NRXN1: variants seen among roughly 807,000 people sequenced by gnomAD.
NRXN1 encodes the protein neurexin-1.
Under a neutral mutation model 150.9 loss-of-function variants are expected in NRXN1, and 39 were observed. The observed-to-expected ratio is 0.26, with a 90% CI of 0.20 to 0.34. NRXN1 has a LOEUF of 0.34. NRXN1 is among the 10% of genes least tolerant of loss of function. NRXN1 has a pLI of 1.00. For missense variants in NRXN1, 1,815 were observed against 1,949.9 expected, an observed-to-expected ratio of 0.93 and a Z score of 1.30; for synonymous variants, 924 against 757.0, an observed-to-expected ratio of 1.22 and a Z score of -3.62.
chr2:50,837,052 C>G (rs1672220510), intron 5 of NRXN1, among the ~76,000 whole-genome samples: 1 of 152,046 alleles, frequency 6.6e-6, no homozygotes, highest in Admixed American at 6.6e-5. Flanking sequence ...TTTTTATCCT[C>G]TCAGTTAGAC....
intron 18 of NRXN1, among the ~76,000 whole-genome samples, chr2:50,127,607 T>C (rs1248651941): frequency 6.6e-6 from 1 of 152,134 alleles, no homozygotes; most frequent in Non-Finnish European, 1.5e-5. Flanking sequence ...CTTTACTAGG[T>C]GCCTTACTAT....
In NRXN1 at chr2:50,017,238, A is replaced by G. The variant is rs117140418; in HGVS notation, c.4128+36033T>C. On this transcript the variant is annotated intron_variant, in intron 21 of 22. Coordinates refer to ENST00000401669, the MANE Select transcript of NRXN1 (RefSeq NM_001330078.2). Reference sequence around the variant, plus strand: ...GAAGCATTATTATTATTTATGCCTTATAATATGTCAACTCTATGTCCTCTG... The same window carrying G: ...GAAGCATTATTATTATTTATGCCTTGTAATATGTCAACTCTATGTCCTCTG... Among the ~76,000 whole-genome samples the G allele has an allele frequency of 1.9e-3, 289 of 152,280 alleles. 8 individuals are homozygous for G. The East Asian group carries it at 0.034, about 18-fold the overall frequency.
chr2:50,717,599 C>T (rs947783587), intron 5 of NRXN1, among the ~76,000 whole-genome samples: 2 of 152,094 alleles, frequency 1.3e-5, no homozygotes, highest in South Asian at 2.1e-4. Flanking sequence ...ATGAAATGGA[C>T]GAATTTCACT....
chr2:50,940,236 G>A (rs950917926), intron 2 of NRXN1, among the ~76,000 whole-genome samples: 2 of 152,028 alleles, frequency 1.3e-5, no homozygotes, highest in African/African-American at 4.8e-5. Context: ...CCAGCACTTT[G>A]GGAGGCCAAG....
chr2:50,627,070 C>T (rs1681229434), intron 5 of NRXN1, among the ~76,000 whole-genome samples: 1 of 151,606 alleles, frequency 6.6e-6, no homozygotes, highest in Non-Finnish European at 1.5e-5. Flanking sequence ...TGACATAAAA[C>T]GAAAAGAAAA....
intron 21 of NRXN1, among the ~76,000 whole-genome samples, chr2:49,985,372 C>T (rs190456440): frequency 3.9e-5 from 6 of 152,172 alleles, no homozygotes; most frequent in Admixed American, 3.9e-4. Context: ...TAATGAAGAC[C>T]AAAGACTTTG....
At chr2:49,923,517 T>C (rs1668578998) in intron 22 of NRXN1, among the ~76,000 whole-genome samples, 1 of 152,212 alleles carries the variant, frequency 6.6e-6, no homozygotes, top group African/African-American at 2.4e-5. Flanking sequence ...TGAGTGTGTG[T>C]TCATGTATAT....
chr2:50,848,062 C>T (rs1484496006), intron 5 of NRXN1, among the ~76,000 whole-genome samples: 1 of 152,146 alleles, frequency 6.6e-6, no homozygotes, highest in Non-Finnish European at 1.5e-5. Flanking sequence ...CACAAGCCGC[C>T]TATAGACGGC....
chr2:50,066,284 C>T (rs912486548), intron 19 of NRXN1, among the ~76,000 whole-genome samples: 4 of 152,046 alleles, frequency 2.6e-5, no homozygotes, highest in East Asian at 1.9e-4. Flanking sequence ...AGAGCTTACA[C>T]GTTGTCTAGG....
At chr2:50,095,194 T>G (rs17039807) in intron 18 of NRXN1, among the ~76,000 whole-genome samples, 37,107 of 152,122 alleles carry the variant, frequency 0.24, 4,949 homozygotes, top group Admixed American at 0.38. Context: ...CTGATTTTAC[T>G]TTTTATGTCT....
At chr2:50,986,252 A>T (rs1444682521) in intron 2 of NRXN1, among the ~76,000 whole-genome samples, 3 of 151,760 alleles carry the variant, frequency 2.0e-5, no homozygotes, top group Non-Finnish European at 4.4e-5. Flanking sequence ...ATGCAAATAT[A>T]AATTAGGAGA....
intron 17 of NRXN1, among the ~76,000 whole-genome samples, chr2:50,364,001 A>C (rs1202492261): frequency 1.3e-5 from 2 of 152,144 alleles, no homozygotes; most frequent in Non-Finnish European, 2.9e-5. Flanking sequence ...CAGAAAACTA[A>C]ACACTGCATG....
At chr2:50,669,178 G>C (rs767268350) in intron 5 of NRXN1, among the ~76,000 whole-genome samples, 1 of 151,932 alleles carries the variant, frequency 6.6e-6, no homozygotes, top group Non-Finnish European at 1.5e-5. Context: ...GCATGTAGAA[G>C]GCAAGGCTCA....
At chr2:50,597,680 C>T (rs1353792116) in intron 8 of NRXN1, among the ~76,000 whole-genome samples, 2 of 152,190 alleles carry the variant, frequency 1.3e-5, no homozygotes, top group Non-Finnish European at 2.9e-5. Flanking sequence ...CTGCATGTTT[C>T]TGAAGCACTG....
chr2:50,531,827 G>A (rs1283563113), intron 10 of NRXN1, among the ~76,000 whole-genome samples: 1 of 149,630 alleles, frequency 6.7e-6, no homozygotes, highest in Admixed American at 6.6e-5. Context: ...GGATTTTTTT[G>A]TTGTTGTTTT....
intron 17 of NRXN1, among the ~76,000 whole-genome samples, chr2:50,238,938 C>T (rs1317684442): frequency 6.6e-6 from 1 of 151,784 alleles, no homozygotes; most frequent in Non-Finnish European, 1.5e-5. Flanking sequence ...TTGCAGATAC[C>T]AATGCATGAA....
At chr2:50,101,858 A>C (rs554940004) in intron 18 of NRXN1, among the ~76,000 whole-genome samples, 1 of 152,076 alleles carries the variant, frequency 6.6e-6, no homozygotes, top group East Asian at 1.9e-4. Context: ...CTTCCTAATG[A>C]TGCTATGTTA....
intron 15 of NRXN1, among the ~76,000 whole-genome samples, chr2:50,477,293 A>G (rs1226272742): frequency 6.6e-6 from 1 of 152,216 alleles, no homozygotes; most frequent in African/African-American, 2.4e-5. Context: ...TCCAAGGATC[A>G]AAGCAAAGCA....
intron 8 of NRXN1, among the ~76,000 whole-genome samples, chr2:50,594,067 G>C (rs575339821): frequency 6.6e-6 from 1 of 152,238 alleles, no homozygotes; most frequent in African/African-American, 2.4e-5. Context: ...AGACTTATTT[G>C]CTTCGCCTTC....
Sources: gnomAD v4.1 joint callset for allele counts (sites outside exome capture counted in the v4.1 genomes callset) on GRCh38, gnomAD v4.1.1 for gene constraint, MANE v1.5 for transcripts, NCBI Gene and HGNC (gene_info 2026-07-23, HGNC 2026-07-21) for gene names.